The following LRRK2 variants were observed in gnomAD, a reference collection of about 807,000 sequenced individuals.
LRRK2 encodes leucine-rich repeat serine/threonine-protein kinase 2.
Under a neutral mutation model 302.6 loss-of-function variants are expected in LRRK2, and 203 were observed. The observed-to-expected ratio is 0.67, with a 90% CI of 0.60 to 0.75. The LOEUF (loss-of-function observed/expected upper bound fraction) is 0.75. Among genes scored for constraint, LRRK2 ranks in the 30% least tolerant of loss-of-function variants. The pLI is 0.00. For missense variants in LRRK2, 2,830 were observed against 2,951.0 expected (o/e 0.96, Z 0.95); for synonymous variants, 1,066 against 1,031.9 (o/e 1.03, Z -0.63).
chr12:40,252,091 A>G (rs951058561), intron 10 of LRRK2, among the ~76,000 whole-genome samples: 2 of 152,206 alleles, frequency 1.3e-5, no homozygotes, highest in African/African-American at 4.8e-5. Context: ...TCTCCCAAAG[A>G]TACAAGCTGT....
chr12:40,309,726 T>G (rs564176049), intron 30 of LRRK2, among the ~76,000 whole-genome samples: 1 of 152,242 alleles, frequency 6.6e-6, no homozygotes, highest in African/African-American at 2.4e-5. Context: ...TTTGTTGTCT[T>G]GTTGTCAGCT....
rs1940842032 is a variant in LRRK2 at position 40,225,759 on chromosome 12, C to T, written c.237+119C>T. ...ATTCCCAAAATTTGGCTTGAGGAAC[C>T]TCTGACTGTGATTTTAAGATGGGAA... On this transcript the variant is annotated intron_variant, in intron 2 of 50. Coordinates refer to ENST00000298910, the MANE Select transcript of LRRK2 (RefSeq NM_198578.4). 4.9e-6 allele frequency: 4 copies of T among 808,476 alleles called. No homozygotes were observed. In the Admixed American group the frequency reaches 8.0e-5, roughly 16 times the overall value. The allele number at this position is 808,476 out of a possible 1,614,324, so 50.1% of individuals were successfully genotyped here.
intron 13 of LRRK2, among the ~76,000 whole-genome samples, chr12:40,262,377 A>G (rs11175769): frequency 0.42 from 63,276 of 151,944 alleles, 13,650 homozygotes; most frequent in South Asian, 0.55. Context: ...ACTGAGGCAT[A>G]GAATTGTAGA....
chr12:40,279,746 A>G (rs1943608085), intron 18 of LRRK2, among the ~76,000 whole-genome samples: 1 of 152,138 alleles, frequency 6.6e-6, no homozygotes. Flanking sequence ...ATTCTTTTGG[A>G]CTTCATATGC....
At chr12:40,240,129 A>G (rs1366847216) in intron 5 of LRRK2, among the ~76,000 whole-genome samples, 1 of 152,148 alleles carries the variant, frequency 6.6e-6, no homozygotes, top group African/African-American at 2.4e-5. Context: ...AAATATTGCA[A>G]TATGTCCAGT....
intron 47 of LRRK2, among the ~76,000 whole-genome samples, chr12:40,359,809 A>G (rs1172074974): frequency 6.6e-6 from 1 of 152,158 alleles, no homozygotes; most frequent in Admixed American, 6.6e-5. Flanking sequence ...TACATATGCA[A>G]TTTGGGTAAC....
intron 43 of LRRK2, among the ~76,000 whole-genome samples, chr12:40,349,095 C>T (rs1385076240): frequency 6.6e-6 from 1 of 152,050 alleles, no homozygotes; most frequent in Non-Finnish European, 1.5e-5. Flanking sequence ...TTGGAATTGA[C>T]ATTTTTATCT....
chr12:40,355,683 C>T (rs567024852), intron 45 of LRRK2, among the ~76,000 whole-genome samples: 38 of 152,068 alleles, frequency 2.5e-4, no homozygotes, highest in Non-Finnish European at 5.1e-4. Context: ...GCTGGGATTA[C>T]AGGCGTGCAC....
chr12:40,363,153 G>A lies in LRRK2; in HGVS notation c.7029-249G>A, dbSNP rs373821670. Among the ~76,000 whole-genome samples, 15 of 151,984 alleles carry A rather than the reference G, an allele frequency of 9.9e-5. No individual in the cohort carries two copies. The South Asian group carries it at 3.1e-3, about 32-fold the overall frequency. ...TAAAAGTAAGACCAAAGTAAACATT[G>A]GACATAATCTTTATTTTATTATCAC... is the stretch of plus-strand genomic sequence containing the variant. On this transcript the variant is annotated intron_variant, in intron 47 of 50. Transcript: ENST00000298910.
intron 30 of LRRK2, 111 bp downstream of exon 30, chr12:40,309,344 T>TTAAG: frequency 7.4e-7 from 1 of 1,354,600 alleles, no homozygotes; most frequent in Non-Finnish European, 9.9e-7. Context: ...TCAGTCTCTT[T>TTAAG]AAATACTTTC....
At chr12:40,359,193 A>G in intron 46 of LRRK2, 67 bp from the exon 47 acceptor site, 1 of 1,388,638 alleles carries the variant, frequency 7.2e-7, no homozygotes, top group Non-Finnish European at 1.0e-6. Context: ...GAAAGCACAG[A>G]TTTTATGGAG....
chr12:40,274,477 T>G, intron 14 of LRRK2, 106 bp from the exon 15 acceptor site: 2 of 1,169,630 alleles, frequency 1.7e-6, no homozygotes, highest in Non-Finnish European at 2.5e-6. Flanking sequence ...AGGATACTGA[T>G]TTATATTTGG....
At chr12:40,233,267 A>G (rs1941289044) in intron 3 of LRRK2, among the ~76,000 whole-genome samples, 1 of 152,220 alleles carries the variant, frequency 6.6e-6, no homozygotes, top group South Asian at 2.1e-4. Context: ...AATCTTTTTT[A>G]TACCTAATAT....
chr12:40,307,257 G>C (rs1413970296), intron 28 of LRRK2, among the ~76,000 whole-genome samples: 1 of 151,946 alleles, frequency 6.6e-6, no homozygotes, highest in East Asian at 1.9e-4. Flanking sequence ...ATGTTGGTCA[G>C]ATTCTTATTA....
At chr12:40,270,389 C>A (rs938724700) in intron 14 of LRRK2, among the ~76,000 whole-genome samples, 34 of 152,166 alleles carry the variant, frequency 2.2e-4, no homozygotes, top group African/African-American at 7.5e-4. Context: ...CATCTCAAGT[C>A]CTTTTGTTAC....
chr12:40,355,646 G>A (rs548449718), intron 45 of LRRK2, among the ~76,000 whole-genome samples: 1 of 151,338 alleles, frequency 6.6e-6, no homozygotes, highest in South Asian at 2.1e-4. Flanking sequence ...AAGTTCAAGC[G>A]ATTCTCTAGC....
At chr12:40,313,849 T>C in intron 31 of LRRK2, 123 bp from the exon 32 acceptor site, 1 of 720,194 alleles carries the variant, frequency 1.4e-6, no homozygotes, top group Non-Finnish European at 2.3e-6. Context: ...TGATTTTATT[T>C]AAAAATGTAC....
intron 7 of LRRK2, among the ~76,000 whole-genome samples, chr12:40,249,315 T>C (rs1292499892): frequency 6.6e-6 from 1 of 150,418 alleles, no homozygotes; most frequent in Non-Finnish European, 1.5e-5. Flanking sequence ...GGTGGTGAAA[T>C]ACCTTTTTTT....
intron 19 of LRRK2, among the ~76,000 whole-genome samples, chr12:40,285,993 GTC>G (rs1943911758): frequency 1.3e-5 from 2 of 152,080 alleles, no homozygotes; most frequent in Non-Finnish European, 2.9e-5. Flanking sequence ...ACTTAAACTA[GTC>G]TTATGCCAAA....
Sources: gnomAD v4.1 joint callset for allele counts (sites outside exome capture counted in the v4.1 genomes callset) on GRCh38, gnomAD v4.1.1 for gene constraint, MANE v1.5 for transcripts, NCBI Gene and HGNC (gene_info 2026-07-23, HGNC 2026-07-21) for gene names.